The following EIF3J variants were observed in gnomAD, a reference collection of about 807,000 sequenced individuals.
The protein encoded by EIF3J is eukaryotic translation initiation factor 3 subunit J.
EIF3J carries 15 observed loss-of-function variants against 39.0 expected under a neutral mutation model. That is an observed-to-expected ratio of 0.38 (90% CI 0.26 to 0.59). The LOEUF (loss-of-function observed/expected upper bound fraction) is 0.59. Ranked by LOEUF, EIF3J falls within the 20% of genes least tolerant of loss-of-function variation. The pLI is 0.60. For synonymous variants in EIF3J, 98 were observed against 112.9 expected, an observed-to-expected ratio of 0.87 and a Z score of 0.84; for missense variants, 226 against 308.6, an observed-to-expected ratio of 0.73 and a Z score of 2.00.
At chr15:44,543,435 G>A (rs1487275180) in intron 2 of EIF3J, among the ~76,000 whole-genome samples, 1 of 84,752 alleles carries the variant, frequency 1.2e-5, no homozygotes, top group Non-Finnish European at 2.3e-5. Flanking sequence ...TTTTTTTTTT[G>A]AGATGGAGTT....
intron 2 of EIF3J, among the ~76,000 whole-genome samples, chr15:44,544,098 C>CTTTTTTTTTTTTTTTTT (rs10630378): frequency 1.5e-5 from 2 of 134,076 alleles, no homozygotes; most frequent in Admixed American, 7.8e-5. Flanking sequence ...CTTTTCTTTT[C>CTTTTTTTTTTTTTTTTT]TTTTTTTTTT....
At position 44,537,192 on chromosome 15, in the gene EIF3J, G is replaced by T. The variant is rs772980164; in HGVS notation, c.-3G>T. Reference sequence around the variant, plus strand: ...TCTCACACACGCTCACACCCGGCTCGAGATGGCGGCGGCGGCGGCGGCGGC... The same window carrying T: ...TCTCACACACGCTCACACCCGGCTCTAGATGGCGGCGGCGGCGGCGGCGGC... On this transcript the variant is annotated 5_prime_UTR_variant, in exon 1 of 8. Coordinates refer to ENST00000261868, the MANE Select transcript of EIF3J (RefSeq NM_003758.4). The T allele has an allele frequency of 2.5e-6, 4 of 1,611,068 alleles. No individual in the cohort carries two copies. In the East Asian group the frequency reaches 8.9e-5, roughly 36 times the overall value.
chr15:44,537,543 A>C, intron 2 of EIF3J, 116 bp downstream of exon 2: 3 of 1,099,070 alleles, frequency 2.7e-6, no homozygotes, highest in Non-Finnish European at 3.7e-6. Flanking sequence ...GCGCGAGCAT[A>C]GGGCCTGGCG....
intron 5 of EIF3J, 96 bp downstream of exon 5, chr15:44,554,763 C>A: frequency 1.5e-6 from 1 of 686,456 alleles, no homozygotes; most frequent in Middle Eastern, 2.5e-4. Flanking sequence ...AAGAAACATA[C>A]TGGCTAATGT....
intron 2 of EIF3J, 80 bp downstream of exon 2, chr15:44,537,507 C>T: frequency 1.5e-6 from 2 of 1,378,000 alleles, no homozygotes; most frequent in Non-Finnish European, 1.9e-6. Flanking sequence ...CGGGTCGCTG[C>T]CGGGGCCTGC....
intron 2 of EIF3J, among the ~76,000 whole-genome samples, chr15:44,537,905 T>C: frequency 6.6e-6 from 1 of 152,170 alleles, no homozygotes; most frequent in Non-Finnish European, 1.5e-5. Context: ...GAGTGAAATA[T>C]TGTAGTTGAA....
intron 2 of EIF3J, among the ~76,000 whole-genome samples, chr15:44,540,265 ATATTTTTT>A (rs1284858607): frequency 3.1e-5 from 2 of 65,348 alleles, no homozygotes; most frequent in South Asian, 6.0e-4. Context: ...ATATATATAT[ATATTTTTT>A]TTTTTTTTTT....
intron 2 of EIF3J, among the ~76,000 whole-genome samples, chr15:44,538,715 A>G (rs2081982571): frequency 2.0e-5 from 3 of 152,212 alleles, no homozygotes; most frequent in Non-Finnish European, 4.4e-5. Context: ...TGTTGTAGAA[A>G]CATGGGACTA....
chr15:44,537,819 G>C (rs148042485), intron 2 of EIF3J, among the ~76,000 whole-genome samples: 153 of 152,344 alleles, frequency 1.0e-3, no homozygotes, highest in African/African-American at 3.3e-3. Flanking sequence ...GTCTTTTCGA[G>C]CTCAAGTCAG....
intron 2 of EIF3J, among the ~76,000 whole-genome samples, chr15:44,539,731 TC>T (rs369020850): frequency 6.1e-5 from 9 of 148,454 alleles, no homozygotes; most frequent in African/African-American, 2.3e-4. Context: ...AATTTCTTTT[TC>T]TTTTTTTTTT....
At chr15:44,540,183 C>T (rs991604580) in intron 2 of EIF3J, among the ~76,000 whole-genome samples, 4 of 147,480 alleles carry the variant, frequency 2.7e-5, no homozygotes, top group African/African-American at 7.4e-5. Flanking sequence ...GTGATCCACC[C>T]GCCTCGGCCT....
chr15:44,554,469 C>T (rs1241017760), intron 4 of EIF3J, 84 bp from the exon 5 acceptor site: 8 of 603,418 alleles, frequency 1.3e-5, no homozygotes, highest in Non-Finnish European at 1.9e-5. Flanking sequence ...ATTATATACG[C>T]TTATTTAAGA....
At chr15:44,538,584 G>T (rs1449027608) in intron 2 of EIF3J, among the ~76,000 whole-genome samples, 8 of 152,216 alleles carry the variant, frequency 5.3e-5, no homozygotes, top group Non-Finnish European at 1.2e-4. Flanking sequence ...CGATGAGGTT[G>T]GATGTGTGGA....
At chr15:44,542,374 C>T (rs977333275) in intron 2 of EIF3J, among the ~76,000 whole-genome samples, 15 of 151,802 alleles carry the variant, frequency 9.9e-5, no homozygotes, top group African/African-American at 2.9e-4. Context: ...TTTACCTAAA[C>T]CAAATTATTT....
At position 44,561,034 on chromosome 15, in the gene EIF3J, A is replaced by G. The variant is rs757532333; in HGVS notation, c.662A>G (p.Lys221Arg). 1 of 1,613,524 alleles carries G rather than the reference A, an allele frequency of 6.2e-7. No individual in the cohort carries two copies. Among genetic ancestry groups the G allele is most frequent in the South Asian group, 1.1e-5 (1 of 91,072 alleles). Residue 221 changes from lysine (K) to arginine (R), a missense_variant, in exon 8 of 8, where the codon AAG (lysine) becomes AGG (arginine). Lys to Arg is a conservative substitution (Grantham distance 26). Coordinates refer to ENST00000261868, the MANE Select transcript of EIF3J (RefSeq NM_003758.4). ...QKQEKQSKAK[K>R]KKKGVVPGGG... ...CATCTTTAGCAAAGCAAAGCCAAAA[A>G]GAAGAAGAAAGGTGTGGTTCCTGGA...
intron 5 of EIF3J, among the ~76,000 whole-genome samples, chr15:44,556,221 A>C (rs1237097161): frequency 6.6e-6 from 1 of 152,096 alleles, no homozygotes; most frequent in Non-Finnish European, 1.5e-5. Flanking sequence ...TAGCTTCTGG[A>C]GTTAGACAAA....
intron 6 of EIF3J, among the ~76,000 whole-genome samples, chr15:44,558,276 C>A (rs1285626732): frequency 1.3e-5 from 2 of 152,136 alleles, no homozygotes; most frequent in East Asian, 3.9e-4. Flanking sequence ...GAGGCACGAT[C>A]TCAGCTCACT....
chr15:44,561,202 T>C lies in EIF3J; in HGVS notation c.*53T>C. The C allele has an allele frequency of 6.4e-7, 1 of 1,566,324 alleles. No individual in the cohort carries two copies. Among genetic ancestry groups the C allele is most frequent in the Non-Finnish European group, 8.6e-7 (1 of 1,157,092 alleles). On this transcript the variant is annotated 3_prime_UTR_variant, in exon 8 of 8. Coordinates refer to ENST00000261868, the MANE Select transcript of EIF3J (RefSeq NM_003758.4). ...TATGTTGCCCACAATCCCTTGAACA[T>C]GTAGCACAACTTCCTTTCCTTTCAG...
intron 2 of EIF3J, among the ~76,000 whole-genome samples, chr15:44,543,153 A>G (rs1193600998): frequency 1.3e-5 from 2 of 152,194 alleles, no homozygotes; most frequent in African/African-American, 4.8e-5. Context: ...TTTTATAACT[A>G]TGGAAACAAA....
Sources: allele counts gnomAD v4.1 joint callset (sites outside exome capture counted in the v4.1 genomes callset), GRCh38; gene constraint gnomAD v4.1.1; transcripts MANE v1.5; gene names NCBI Gene and HGNC (gene_info 2026-07-23, HGNC 2026-07-21).